WWTR1: variants seen among roughly 807,000 people sequenced by gnomAD.
WWTR1 encodes the protein WW domain-containing transcription regulator protein 1.
Under a neutral mutation model 40.1 loss-of-function variants are expected in WWTR1, and 13 were observed. That is an observed-to-expected ratio of 0.32 (90% CI 0.21 to 0.52). WWTR1 has a LOEUF of 0.52. Among genes scored for constraint, WWTR1 ranks in the 20% least tolerant of loss-of-function variants. The pLI is 0.97. For missense variants in WWTR1, 436 were observed against 523.1 expected, an observed-to-expected ratio of 0.83 and a Z score of 1.63; for synonymous variants, 230 against 210.1, an observed-to-expected ratio of 1.09 and a Z score of -0.82.
chr3:149,520,833 T>C lies in WWTR1; in HGVS notation c.1175A>G (p.Lys392Arg). 6.2e-7 allele frequency: 1 copy of C among 1,606,830 alleles called. No homozygotes were observed. Residue 392 changes from lysine to arginine, a missense_variant, in exon 7 of 7, where the codon AAA becomes AGA. Lys to Arg is a conservative substitution (Grantham distance 26, BLOSUM62 2). Transcript: ENST00000360632. The stretch of plus-strand genomic sequence containing the variant: ...CAGCCAGGTTAGAAAGGGCTCACTT[T>C]TGTTCAGAGCAGACTCTACATCATT... The part of the protein sequence containing the change: ...LFNDVESALN[K>R]SEPFLTWL
chr3:149,679,690 G>T (rs1714391087), intron 1 of WWTR1, among the ~76,000 whole-genome samples: 1 of 152,032 alleles, frequency 6.6e-6, no homozygotes, highest in Admixed American at 6.6e-5. Flanking sequence ...GTAAAACCAG[G>T]CCTTAATTCC....
At chr3:149,648,662 A>T (rs1386005582) in intron 2 of WWTR1, among the ~76,000 whole-genome samples, 1 of 152,234 alleles carries the variant, frequency 6.6e-6, no homozygotes, top group Non-Finnish European at 1.5e-5. Context: ...GCTTGTGCCA[A>T]GTTCCTGAGG....
intron 2 of WWTR1, among the ~76,000 whole-genome samples, chr3:149,592,182 TAATA>T (rs1213442447): frequency 6.6e-6 from 1 of 152,226 alleles, no homozygotes; most frequent in Non-Finnish European, 1.5e-5. Context: ...ATTCCTCTCC[TAATA>T]TTTATACAAT....
At chr3:149,599,358 A>G (rs1377277871) in intron 2 of WWTR1, among the ~76,000 whole-genome samples, 1 of 152,252 alleles carries the variant, frequency 6.6e-6, no homozygotes, top group Non-Finnish European at 1.5e-5. Flanking sequence ...AAAGTTGGCC[A>G]GTAATGGTTG....
intron 2 of WWTR1, among the ~76,000 whole-genome samples, chr3:149,667,818 C>T (rs1358401759): frequency 1.3e-5 from 2 of 152,192 alleles, no homozygotes; most frequent in Non-Finnish European, 2.9e-5. Context: ...AGAGAAATTT[C>T]ACAGTTCATT....
upstream of WWTR1, among the ~76,000 whole-genome samples, chr3:149,704,010 T>A (rs1459337049): frequency 6.6e-6 from 1 of 152,162 alleles, no homozygotes; most frequent in Non-Finnish European, 1.5e-5. Flanking sequence ...TGGGCTTTCC[T>A]TCTGTCACCA....
chr3:149,628,290 G>A (rs563730363), intron 2 of WWTR1, among the ~76,000 whole-genome samples: 28 of 152,122 alleles, frequency 1.8e-4, no homozygotes, highest in Admixed American at 6.5e-4. Context: ...GAATGGTGTG[G>A]ACCCGGGAGG....
At chr3:149,647,817 CA>C (rs1487761531) in intron 2 of WWTR1, among the ~76,000 whole-genome samples, 1 of 152,188 alleles carries the variant, frequency 6.6e-6, no homozygotes, top group Non-Finnish European at 1.5e-5. Context: ...GCTACAGTCA[CA>C]AAAAGCTAGG....
chr3:149,564,452 C>T (rs1053965382), intron 3 of WWTR1, among the ~76,000 whole-genome samples: 6 of 151,516 alleles, frequency 4.0e-5, no homozygotes, highest in African/African-American at 1.5e-4. Context: ...TCTTCCACCA[C>T]AAAAAGCTCA....
chr3:149,682,030 CA>C (rs2108204486), intron 1 of WWTR1, among the ~76,000 whole-genome samples: 1 of 152,144 alleles, frequency 6.6e-6, no homozygotes, highest in Non-Finnish European at 1.5e-5. Flanking sequence ...GGGTAGCTCT[CA>C]TGTTAAATGT....
At position 149,542,441 on chromosome 3, in the gene WWTR1, G is replaced by T; in HGVS notation, c.665C>A (p.Pro222His). The T allele has an allele frequency of 6.2e-7, 1 of 1,614,100 alleles. No homozygotes were observed. The highest frequency in any genetic ancestry group is 8.5e-7 in the Non-Finnish European group (1 of 1,180,008). Residue 222 changes from proline to histidine, a missense_variant, in exon 4 of 7, where the codon CCC (proline) becomes CAC (histidine). Transcript: ENST00000360632. ...QNPPAGLMSMPNALTTQQQQQ... is the reference protein window; with the variant it reads ...QNPPAGLMSMHNALTTQQQQQ... ...CTGCTGCTGAGTGGTCAGCGCATTG[G>T]GCATACTCATGAGCCCTGCGGGTGG...
At chr3:149,522,508 T>C (rs1329776310) in intron 6 of WWTR1, among the ~76,000 whole-genome samples, 1 of 152,186 alleles carries the variant, frequency 6.6e-6, no homozygotes, top group Non-Finnish European at 1.5e-5. Context: ...GTTACTGATA[T>C]TGAAAAATAA....
Position 149,584,184 on chromosome 3 carries a change from A to G in WWTR1, c.432-11184T>C, listed in dbSNP as rs181261456. Among the ~76,000 whole-genome samples the G allele has an allele frequency of 1.9e-3, 284 of 152,358 alleles. 1 individual carries two copies. Among genetic ancestry groups the G allele is most frequent in the African/African-American group, 6.5e-3 (270 of 41,594 alleles). On this transcript the variant is annotated intron_variant, in intron 2 of 6. Transcript: ENST00000360632. Reference sequence around the variant, plus strand: ...TCCAAATGTGAAATATGTCGAAGCTAAAGCTGCACTGCCCTCCTTTCTCTT... The same window carrying G: ...TCCAAATGTGAAATATGTCGAAGCTGAAGCTGCACTGCCCTCCTTTCTCTT...
intron 2 of WWTR1, among the ~76,000 whole-genome samples, chr3:149,590,215 T>G (rs1341381517): frequency 6.6e-6 from 1 of 152,118 alleles, no homozygotes; most frequent in African/African-American, 2.4e-5. Flanking sequence ...ATTATTCATA[T>G]TAATTATTAG....
At chr3:149,672,204 G>A (rs543639286) in intron 1 of WWTR1, among the ~76,000 whole-genome samples, 1 of 152,292 alleles carries the variant, frequency 6.6e-6, no homozygotes, top group Admixed American at 6.5e-5. Flanking sequence ...TGGCCGCAAA[G>A]CCCAAAATAG....
chr3:149,532,157 C>T (rs879290319), intron 4 of WWTR1, among the ~76,000 whole-genome samples: 1 of 152,158 alleles, frequency 6.6e-6, no homozygotes, highest in Non-Finnish European at 1.5e-5. Flanking sequence ...CCCAAGAAGG[C>T]TGCTGTGATG....
At chr3:149,617,783 A>G (rs924701624) in intron 2 of WWTR1, among the ~76,000 whole-genome samples, 1 of 152,242 alleles carries the variant, frequency 6.6e-6, no homozygotes, top group Non-Finnish European at 1.5e-5. Context: ...CCTGGGAAAC[A>G]GAGCAAAACT....
At chr3:149,615,008 A>T (rs914713150) in intron 2 of WWTR1, among the ~76,000 whole-genome samples, 1 of 152,132 alleles carries the variant, frequency 6.6e-6, no homozygotes, top group Non-Finnish European at 1.5e-5. Flanking sequence ...AGCTTAGGTG[A>T]TGGTTACAGG....
At chr3:149,578,714 A>G (rs948909277) in intron 2 of WWTR1, among the ~76,000 whole-genome samples, 4 of 152,132 alleles carry the variant, frequency 2.6e-5, no homozygotes, top group African/African-American at 9.7e-5. Context: ...CCTGGCGAAC[A>G]TGGAGAAACC....
Sources: gnomAD v4.1 joint callset for allele counts (sites outside exome capture counted in the v4.1 genomes callset) on GRCh38, gnomAD v4.1.1 for gene constraint, MANE v1.5 for transcripts, NCBI Gene and HGNC (gene_info 2026-07-23, HGNC 2026-07-21) for gene names.